Variants in PLCL2 observed in about 807,000 individuals in gnomAD.
The protein encoded by PLCL2 is phospholipase C like 2, also known as inactive phospholipase C-like protein 2.
In PLCL2, 4 loss-of-function variants were observed where a neutral mutation model predicts 79.6. The ratio of observed to expected loss-of-function variants is 0.05; its 90% CI spans 0.02 to 0.11. The LOEUF is 0.11. Among genes scored for constraint, PLCL2 ranks in the 10% least tolerant of loss-of-function variants. The pLI is 1.00. For missense variants in PLCL2, 895 were observed against 1,291.0 expected, an observed-to-expected ratio of 0.69 and a Z score of 4.70; for synonymous variants, 484 against 457.7, an observed-to-expected ratio of 1.06 and a Z score of -0.73.
At chr3:17,047,062 G>A (rs1301731226) in intron 4 of PLCL2, among the ~76,000 whole-genome samples, 1 of 152,126 alleles carries the variant, frequency 6.6e-6, no homozygotes, top group Non-Finnish European at 1.5e-5. Flanking sequence ...CTAAGGAAGG[G>A]AAACAATCAG....
At chr3:17,061,699 C>A (rs1003690888) in intron 4 of PLCL2, among the ~76,000 whole-genome samples, 4 of 152,060 alleles carry the variant, frequency 2.6e-5, no homozygotes, top group East Asian at 1.9e-4. Flanking sequence ...AAATATGTTT[C>A]TTTATATAAA....
At chr3:16,889,910 C>T (rs1367919409) in intron 1 of PLCL2, among the ~76,000 whole-genome samples, 1 of 152,026 alleles carries the variant, frequency 6.6e-6, no homozygotes, top group African/African-American at 2.4e-5. Context: ...TACCGCATGC[C>T]CAGCAAACCT....
intron 3 of PLCL2, among the ~76,000 whole-genome samples, chr3:17,027,753 T>C (rs1453755222): frequency 2.0e-5 from 3 of 152,184 alleles, no homozygotes; most frequent in Non-Finnish European, 4.4e-5. Context: ...AGGAGACTGT[T>C]ATCGTTGCCT....
intron 5 of PLCL2, among the ~76,000 whole-genome samples, chr3:17,084,410 T>A (rs1039317766): frequency 6.6e-6 from 1 of 152,036 alleles, no homozygotes; most frequent in African/African-American, 2.4e-5. Flanking sequence ...AGAAGCAGAG[T>A]GAATACTTCC....
chr3:17,012,564 C>T (rs1441098070), intron 2 of PLCL2, among the ~76,000 whole-genome samples: 2 of 152,190 alleles, frequency 1.3e-5, no homozygotes. Flanking sequence ...GTGATCCAGT[C>T]CTTTCTTACG....
chr3:16,927,523 T>C (rs971582771), intron 1 of PLCL2, among the ~76,000 whole-genome samples: 7 of 152,242 alleles, frequency 4.6e-5, no homozygotes, highest in Non-Finnish European at 7.3e-5. Context: ...CAAGTTTTTA[T>C]GGCTTGGTGG....
At chr3:17,020,007 C>T (rs1306016710) in intron 3 of PLCL2, among the ~76,000 whole-genome samples, 1 of 152,160 alleles carries the variant, frequency 6.6e-6, no homozygotes, top group Non-Finnish European at 1.5e-5. Context: ...CATTTCGGTG[C>T]ATCTCCTCTC....
chr3:16,991,816 G>T (rs2064108075), intron 1 of PLCL2, among the ~76,000 whole-genome samples: 1 of 152,202 alleles, frequency 6.6e-6, no homozygotes, highest in Non-Finnish European at 1.5e-5. Context: ...ACATGGTTTA[G>T]CTAAAACTCC....
At chr3:16,998,597 T>G (rs538603992) in intron 1 of PLCL2, among the ~76,000 whole-genome samples, 2 of 152,346 alleles carry the variant, frequency 1.3e-5, no homozygotes, top group South Asian at 4.1e-4. Flanking sequence ...AGGAGCTCGG[T>G]GCTTACCGTT....
At chr3:16,944,920 C>T (rs563288372) in intron 1 of PLCL2, among the ~76,000 whole-genome samples, 2 of 152,020 alleles carry the variant, frequency 1.3e-5, no homozygotes, top group African/African-American at 2.4e-5. Context: ...CCACCACACC[C>T]GGGTAATTTT....
chr3:16,896,086 T>C, intron 1 of PLCL2, among the ~76,000 whole-genome samples: 1 of 152,362 alleles, frequency 6.6e-6, no homozygotes, highest in African/African-American at 2.4e-5. Flanking sequence ...TCTGGAAGTC[T>C]ATCATACTGC....
intron 5 of PLCL2, among the ~76,000 whole-genome samples, chr3:17,087,486 T>C (rs953426112): frequency 6.6e-6 from 1 of 152,174 alleles, no homozygotes; most frequent in Admixed American, 6.5e-5. Flanking sequence ...AGATCAATGG[T>C]TGCCAGGGGT....
chr3:17,005,315 A>G (rs1451706674), intron 1 of PLCL2, among the ~76,000 whole-genome samples: 1 of 152,136 alleles, frequency 6.6e-6, no homozygotes, highest in Non-Finnish European at 1.5e-5. Context: ...AATCGATTGA[A>G]TCAGTGCCAG....
At chr3:16,943,258 C>G (rs2063568356) in intron 1 of PLCL2, among the ~76,000 whole-genome samples, 1 of 152,216 alleles carries the variant, frequency 6.6e-6, no homozygotes, top group Non-Finnish European at 1.5e-5. Context: ...TTCTCTGAGT[C>G]TAAATGAGTT....
chr3:16,928,205 G>A (rs538019390), intron 1 of PLCL2, among the ~76,000 whole-genome samples: 2 of 152,314 alleles, frequency 1.3e-5, no homozygotes, highest in South Asian at 4.1e-4. Flanking sequence ...ACAACACAAT[G>A]TGGTTAGTGC....
At chr3:17,048,265 C>T (rs981157564) in intron 4 of PLCL2, among the ~76,000 whole-genome samples, 2 of 152,128 alleles carry the variant, frequency 1.3e-5, no homozygotes, top group East Asian at 3.8e-4. Context: ...TTTGAAAATA[C>T]AGTTGACCCT....
chr3:17,081,422 G>T (rs2065161281), intron 5 of PLCL2: 1 of 326,586 alleles, frequency 3.1e-6, no homozygotes, highest in East Asian at 8.4e-5. Flanking sequence ...CCTCACCTCA[G>T]AAGTAAGACA....
At chr3:17,051,820 C>T (rs1399242135) in intron 4 of PLCL2, among the ~76,000 whole-genome samples, 1 of 152,128 alleles carries the variant, frequency 6.6e-6, no homozygotes, top group Non-Finnish European at 1.5e-5. Context: ...CAGGAAGTAC[C>T]TTGCCAGTAA....
intron 3 of PLCL2, among the ~76,000 whole-genome samples, chr3:17,017,119 AT>A (rs1055521804): frequency 1.3e-5 from 2 of 152,112 alleles, no homozygotes; most frequent in African/African-American, 4.8e-5. Flanking sequence ...GGAATGGCTC[AT>A]TGCTCCTTGG....
Sources: gnomAD v4.1 joint callset for allele counts (sites outside exome capture counted in the v4.1 genomes callset) on GRCh38, gnomAD v4.1.1 for gene constraint, MANE v1.5 for transcripts, NCBI Gene and HGNC (gene_info 2026-07-23, HGNC 2026-07-21) for gene names.